The following LOC400499 variants were observed in gnomAD, a reference collection of about 807,000 sequenced individuals.
chr16:11,421,885 A>G, the LOC400499 span, among the ~76,000 whole-genome samples: 1 of 152,370 alleles, frequency 6.6e-6, no homozygotes, highest in Non-Finnish European at 1.5e-5. Context: ...GTGAACGACC[A>G]TAGCATCCCC....
At chr16:11,457,322 G>T in the LOC400499 span, among the ~76,000 whole-genome samples, 7 of 152,198 alleles carry the variant, frequency 4.6e-5, no homozygotes, top group African/African-American at 1.7e-4. Context: ...GGCCGGGCAC[G>T]GTGGCTCACG....
chr16:11,430,735 GGAAACCCT>G, the LOC400499 span, among the ~76,000 whole-genome samples: 3 of 152,158 alleles, frequency 2.0e-5, no homozygotes, highest in Non-Finnish European at 4.4e-5. Flanking sequence ...TATATGCCTG[GGAAACCCT>G]GCACCCAACT....
At chr16:11,405,914 C>G in the LOC400499 span, among the ~76,000 whole-genome samples, 1 of 152,210 alleles carries the variant, frequency 6.6e-6, no homozygotes, top group African/African-American at 2.4e-5. Flanking sequence ...TCCCCACCCA[C>G]CCAGCTCCAG....
At chr16:11,470,327 C>G in the LOC400499 span, among the ~76,000 whole-genome samples, 1 of 152,192 alleles carries the variant, frequency 6.6e-6, no homozygotes, top group African/African-American at 2.4e-5. Context: ...AGCCAAAACT[C>G]CCAGCACCCT....
At chr16:11,497,123 C>T in the LOC400499 span, among the ~76,000 whole-genome samples, 2 of 152,110 alleles carry the variant, frequency 1.3e-5, no homozygotes, top group Admixed American at 6.6e-5. Context: ...TGTCAGTGTA[C>T]GTGCAGGTCT....
chr16:11,427,350 CAAAAAAAAAAAAA>C, the LOC400499 span, among the ~76,000 whole-genome samples: 35 of 38,874 alleles, frequency 9.0e-4, no homozygotes, highest in African/African-American at 1.9e-3. Context: ...CTCCATCTCA[CAAAAAAAAAAAAA>C]AAAAAAAAAA....
chr16:11,476,634 G>A, the LOC400499 span: 4 of 385,820 alleles, frequency 1.0e-5, no homozygotes, highest in Admixed American at 1.4e-4. Flanking sequence ...CCACACCCAT[G>A]CACATCCCCT....
chr16:11,414,325 C>T, the LOC400499 span: 1 of 399,304 alleles, frequency 2.5e-6, no homozygotes, highest in Non-Finnish European at 4.4e-6. Context: ...GGAGGTCCTG[C>T]TCCATCCACT....
chr16:11,487,289 G>C, the LOC400499 span: 1 of 399,072 alleles, frequency 2.5e-6, no homozygotes, highest in African/African-American at 2.1e-5. Flanking sequence ...CACGGCCCAT[G>C]GTGTGGATGG....
chr16:11,501,772 G>A, the LOC400499 span, among the ~76,000 whole-genome samples: 50 of 152,226 alleles, frequency 3.3e-4, no homozygotes, highest in African/African-American at 1.1e-3. Context: ...GCATTGGAAT[G>A]CTAATTCCAG....
At chr16:11,374,875 G>A in the LOC400499 span, among the ~76,000 whole-genome samples, 1 of 152,204 alleles carries the variant, frequency 6.6e-6, no homozygotes, top group Non-Finnish European at 1.5e-5. Flanking sequence ...TTGAGACAGA[G>A]TCTGGCTCTG....
chr16:11,514,208 G>A, the LOC400499 span, among the ~76,000 whole-genome samples: 1 of 152,188 alleles, frequency 6.6e-6, no homozygotes, highest in Non-Finnish European at 1.5e-5. Context: ...TCTAGAAGTG[G>A]CTAACTCTCC....
the LOC400499 span, among the ~76,000 whole-genome samples, chr16:11,429,343 G>C: frequency 1.3e-5 from 2 of 152,194 alleles, no homozygotes; most frequent in African/African-American, 4.8e-5. Flanking sequence ...TTCCAGTACA[G>C]CTTGCAGAAC....
chr16:11,405,996 C>T, the LOC400499 span, among the ~76,000 whole-genome samples: 3 of 152,146 alleles, frequency 2.0e-5, no homozygotes, highest in African/African-American at 7.2e-5. Flanking sequence ...ATGTCTTGTT[C>T]CCTCTGCCTG....
At chr16:11,413,983 G>T in the LOC400499 span, among the ~76,000 whole-genome samples, 1 of 152,172 alleles carries the variant, frequency 6.6e-6, no homozygotes, top group Admixed American at 6.5e-5. Context: ...TGGAGCCTGA[G>T]GAGGATGAGA....
At chr16:11,423,913 C>T in the LOC400499 span, among the ~76,000 whole-genome samples, 10 of 152,338 alleles carry the variant, frequency 6.6e-5, no homozygotes, top group African/African-American at 1.9e-4. Flanking sequence ...GGCCATGGTG[C>T]AGCCCCAGCA....
chr16:11,385,160 G>C, the LOC400499 span: 32 of 1,230,626 alleles, frequency 2.6e-5, no homozygotes, highest in Middle Eastern at 9.3e-4. Flanking sequence ...CATGGGCACA[G>C]GTCTCCAGGG....
the LOC400499 span, chr16:11,385,046 G>A: frequency 8.1e-7 from 1 of 1,232,196 alleles, no homozygotes; most frequent in Non-Finnish European, 1.0e-6. Context: ...CGGCAGGGAG[G>A]AGTTGTACAG....
the LOC400499 span, among the ~76,000 whole-genome samples, chr16:11,408,058 C>A: frequency 4.3e-5 from 6 of 140,702 alleles, no homozygotes; most frequent in Non-Finnish European, 6.1e-5. Flanking sequence ...TCTCGGCTCA[C>A]TGCAACCTCT....
Sources: gnomAD v4.1 joint callset for allele counts (sites outside exome capture counted in the v4.1 genomes callset) on GRCh38, gnomAD v4.1.1 for gene constraint, MANE v1.5 for transcripts.